The following ASAP1 variants were observed in gnomAD, a reference collection of about 807,000 sequenced individuals.
ASAP1 encodes ArfGAP with SH3 domain, ankyrin repeat and PH domain 1.
Under a neutral mutation model 145.2 loss-of-function variants are expected in ASAP1, and 43 were observed. That is an observed-to-expected ratio of 0.30 (90% CI 0.23 to 0.38). The LOEUF is 0.38. Among genes scored for constraint, ASAP1 ranks in the 10% least tolerant of loss-of-function variants. The probability of loss-of-function intolerance (pLI) is 1.00; values close to 1 mark genes in which losing one functional copy is unlikely to be tolerated. For synonymous variants in ASAP1, 546 were observed against 515.5 expected (o/e 1.06, Z -0.80); for missense variants, 1,018 against 1,355.3 (o/e 0.75, Z 3.91).
At chr8:130,250,200 C>G (rs1819106559) in intron 3 of ASAP1, among the ~76,000 whole-genome samples, 1 of 152,076 alleles carries the variant, frequency 6.6e-6, no homozygotes, top group Non-Finnish European at 1.5e-5. Context: ...TCTGAAAAGT[C>G]TACCTTGAAT....
intron 3 of ASAP1, among the ~76,000 whole-genome samples, chr8:130,242,606 A>G (rs1442868926): frequency 1.3e-5 from 2 of 152,124 alleles, no homozygotes; most frequent in African/African-American, 2.4e-5. Context: ...AGAGGATGAA[A>G]AAGTGACATA....
chr8:130,275,033 G>A (rs1820797673), intron 3 of ASAP1, among the ~76,000 whole-genome samples: 1 of 152,196 alleles, frequency 6.6e-6, no homozygotes, highest in Non-Finnish European at 1.5e-5. Context: ...TTTGTAGCTG[G>A]ATGACCTTGA....
intron 20 of ASAP1, 50 bp from the exon 21 acceptor site, chr8:130,117,045 A>T: frequency 7.4e-7 from 1 of 1,346,244 alleles, no homozygotes; most frequent in East Asian, 2.3e-5. Flanking sequence ...TTATAACTTA[A>T]AACTATAGAT....
intron 26 of ASAP1, among the ~76,000 whole-genome samples, chr8:130,078,091 G>A (rs1461299039): frequency 6.6e-6 from 1 of 151,788 alleles, no homozygotes; most frequent in East Asian, 1.9e-4. Flanking sequence ...CCAGGTTCAA[G>A]TGATTCTCCT....
At chr8:130,145,185 A>C (rs2097625273) in intron 13 of ASAP1, among the ~76,000 whole-genome samples, 1 of 152,258 alleles carries the variant, frequency 6.6e-6, no homozygotes, top group South Asian at 2.1e-4. Flanking sequence ...TTTTAAATTC[A>C]CATTTCCTAT....
At chr8:130,254,031 C>A (rs991619938) in intron 3 of ASAP1, among the ~76,000 whole-genome samples, 1 of 152,010 alleles carries the variant, frequency 6.6e-6, no homozygotes, top group African/African-American at 2.4e-5. Context: ...CCAAAAAAAA[C>A]CTATGACAAT....
intron 27 of ASAP1, among the ~76,000 whole-genome samples, chr8:130,063,101 A>G (rs892359203): frequency 5.3e-5 from 8 of 151,936 alleles, no homozygotes; most frequent in African/African-American, 1.2e-4. Flanking sequence ...AAGAGCAGAG[A>G]AAAAAAAGAT....
At chr8:130,437,027 C>T (rs1208187615) in intron 1 of ASAP1, among the ~76,000 whole-genome samples, 5 of 151,242 alleles carry the variant, frequency 3.3e-5, no homozygotes, top group South Asian at 2.1e-4. Context: ...ATCACTTGAA[C>T]CCGGGAGGGA....
intron 1 of ASAP1, among the ~76,000 whole-genome samples, chr8:130,411,630 A>G (rs1304170680): frequency 6.6e-6 from 1 of 152,280 alleles, no homozygotes; most frequent in Non-Finnish European, 1.5e-5. Flanking sequence ...TGATACTTTT[A>G]ACAGAGTGTT....
chr8:130,232,269 C>T (rs1264902671), intron 4 of ASAP1, among the ~76,000 whole-genome samples: 1 of 151,994 alleles, frequency 6.6e-6, no homozygotes, highest in Non-Finnish European at 1.5e-5. Flanking sequence ...AAGAAAATTG[C>T]CCAAGAATTA....
intron 27 of ASAP1, among the ~76,000 whole-genome samples, chr8:130,065,267 G>A (rs2097428245): frequency 6.6e-6 from 1 of 152,172 alleles, no homozygotes; most frequent in African/African-American, 2.4e-5. Flanking sequence ...CCTGAGCACA[G>A]GAGCTTCTGA....
At chr8:130,276,728 A>ACACTCACTCT (rs548512902) in intron 3 of ASAP1, among the ~76,000 whole-genome samples, 2 of 87,272 alleles carry the variant, frequency 2.3e-5, no homozygotes, top group Admixed American at 2.7e-4. Flanking sequence ...ACACACACAC[A>ACACTCACTCT]CTCTCTCTCT....
intron 27 of ASAP1, among the ~76,000 whole-genome samples, chr8:130,070,174 C>T (rs570805741): frequency 6.6e-6 from 1 of 152,140 alleles, no homozygotes; most frequent in Admixed American, 6.5e-5. Context: ...GTAGCTGGGA[C>T]TACAGGCGCC....
At chr8:130,302,191 C>T (rs563973940) in intron 3 of ASAP1, among the ~76,000 whole-genome samples, 9 of 152,346 alleles carry the variant, frequency 5.9e-5, no homozygotes, top group African/African-American at 2.2e-4. Context: ...TACAACTTTT[C>T]ACCTTAATCA....
At chr8:130,340,871 C>A (rs750724138) in intron 3 of ASAP1, 3 of 456,132 alleles carry the variant, frequency 6.6e-6, no homozygotes, top group South Asian at 4.6e-5. Context: ...CTCCTGCATG[C>A]TTCTTGAGGC....
intron 4 of ASAP1, among the ~76,000 whole-genome samples, chr8:130,230,659 T>TTTC (rs1817859154): frequency 6.6e-6 from 1 of 152,178 alleles, no homozygotes; most frequent in African/African-American, 2.4e-5. Context: ...AATCCCAGTA[T>TTTC]TTCTATCTAA....
chr8:130,108,790 T>C (rs1201701763), intron 24 of ASAP1, among the ~76,000 whole-genome samples: 3 of 113,510 alleles, frequency 2.6e-5, no homozygotes, highest in Non-Finnish European at 5.5e-5. Flanking sequence ...TTTTTTTTTT[T>C]TTGAGATGGA....
rs183693228 is a variant in ASAP1 at position 130,305,382 on chromosome 8, T to A, written c.186+52635A>T. Among the ~76,000 whole-genome samples, 5 of 152,356 alleles carry A rather than the reference T, an allele frequency of 3.3e-5. No individual in the cohort carries two copies. The East Asian group carries it at 9.6e-4, about 29-fold the overall frequency. ...CTGTTTTTGGAACGGACTCTTGCTC[T>A]GTTGCCCAGGCTGGAGTCCAGTGGT... On this transcript the variant is annotated intron_variant, in intron 3 of 29. Coordinates refer to ENST00000518721, the MANE Select transcript of ASAP1 (RefSeq NM_018482.4).
intron 3 of ASAP1, among the ~76,000 whole-genome samples, chr8:130,283,489 A>G (rs1205908498): frequency 6.7e-6 from 1 of 149,654 alleles, no homozygotes; most frequent in African/African-American, 2.5e-5. Context: ...CTGAGGCAGG[A>G]GAATCACTTG....
Sources: gnomAD v4.1 joint callset for allele counts (sites outside exome capture counted in the v4.1 genomes callset) on GRCh38, gnomAD v4.1.1 for gene constraint, MANE v1.5 for transcripts, NCBI Gene and HGNC (gene_info 2026-07-23, HGNC 2026-07-21) for gene names.